Variants in HYAL4 observed in about 807,000 individuals in gnomAD.
HYAL4 encodes hyaluronidase-4.
In HYAL4, 37 loss-of-function variants were observed where a neutral mutation model predicts 35.2. The observed-to-expected ratio is 1.05, with a 90% CI of 0.81 to 1.38. The LOEUF (loss-of-function observed/expected upper bound fraction) is 1.38, where lower values mean the gene tolerates loss of function less well. Ranked by LOEUF, HYAL4 falls within the 40% of genes most tolerant of loss-of-function variation. The pLI is 0.00. For synonymous variants in HYAL4, 198 were observed against 203.2 expected (o/e 0.97, Z 0.22); for missense variants, 572 against 572.4 (o/e 1.00, Z 0.01).
At chr7:123,829,107 A>G (rs1423699769) in exon 1 of HYAL4, 1 of 152,646 alleles carries the variant, frequency 6.6e-6, no homozygotes, top group Admixed American at 6.5e-5. Context: ...TTCTATCTGC[A>G]TATGCCTGAA....
the HYAL4 span, among the ~76,000 whole-genome samples, chr7:123,770,864 A>G: frequency 0.066 from 10,054 of 152,262 alleles, 419 homozygotes; most frequent in East Asian, 0.11. Flanking sequence ...TGAAGCAATT[A>G]TAGTCCGTGA....
chr7:123,843,153 T>G (rs1399544483), upstream of HYAL4, among the ~76,000 whole-genome samples: 1 of 152,038 alleles, frequency 6.6e-6, no homozygotes, highest in African/African-American at 2.4e-5. Context: ...TTTCTTTCCA[T>G]GTTTAGTGCT....
intron 3 of HYAL4, among the ~76,000 whole-genome samples, chr7:123,870,025 C>G (rs1266202934): frequency 6.6e-6 from 1 of 152,196 alleles, no homozygotes; most frequent in East Asian, 1.9e-4. Flanking sequence ...TGTAACCTTT[C>G]TACATTGAGA....
chr7:123,832,674 T>C (rs1805903975), intron 1 of HYAL4, among the ~76,000 whole-genome samples: 1 of 151,718 alleles, frequency 6.6e-6, no homozygotes, highest in African/African-American at 2.4e-5. Flanking sequence ...TAATTTTTTT[T>C]GTATTTTTAG....
chr7:123,766,433 T>C, the HYAL4 span, among the ~76,000 whole-genome samples: 1 of 152,228 alleles, frequency 6.6e-6, no homozygotes, highest in South Asian at 2.1e-4. Flanking sequence ...ATGTAAATGC[T>C]CATTGAAACC....
upstream of HYAL4, among the ~76,000 whole-genome samples, chr7:123,824,496 A>G (rs1326895051): frequency 6.6e-6 from 1 of 152,070 alleles, no homozygotes. Flanking sequence ...TACGGCTGCC[A>G]TTTAGTGGCT....
chr7:123,852,288 G>T (rs192057010), intron 2 of HYAL4, among the ~76,000 whole-genome samples: 2 of 152,264 alleles, frequency 1.3e-5, no homozygotes, highest in Admixed American at 1.3e-4. Context: ...ATTGCTTTTG[G>T]TGTTTCAGCC....
In HYAL4 at chr7:123,868,672, C is replaced by T. The variant is rs1055154050; in HGVS notation, c.399C>T (p.Ile133=). The T allele has an allele frequency of 2.5e-6, 4 of 1,613,664 alleles. No individual in the cohort carries two copies. The highest frequency in any genetic ancestry group is 1.3e-5 in the African/African-American group (1 of 74,904). ...EKADQDINYY[I]PAEDFSGLAV... is the part of the protein sequence containing the mutation. ...CTGACCAAGATATTAATTATTACAT[C>T]CCTGCTGAAGATTTCAGTGGACTTG... Residue 133 remains isoleucine (I), a synonymous_variant, in exon 3 of 5, where the codon ATC becomes ATT. Transcript: ENST00000223026.
chr7:123,800,174 C>CTTTTTTTTTTTTTTTTTTT, the HYAL4 span, among the ~76,000 whole-genome samples: 1 of 143,420 alleles, frequency 7.0e-6, no homozygotes, highest in South Asian at 2.5e-4. Flanking sequence ...ATTTTTTTTA[C>CTTTTTTTTTTTTTTTTTTT]TTTATTTATT....
At chr7:123,793,449 G>A in the HYAL4 span, among the ~76,000 whole-genome samples, 1 of 152,236 alleles carries the variant, frequency 6.6e-6, no homozygotes, top group Non-Finnish European at 1.5e-5. Context: ...GTTTTGCTGT[G>A]TCCCCACCCA....
Position 123,868,623 on chromosome 7 carries a change from G to A in HYAL4, c.350G>A (p.Ser117Asn). 2.5e-6 allele frequency: 4 copies of A among 1,614,136 alleles called. No homozygotes were observed. Among genetic ancestry groups the A allele is most frequent in the Non-Finnish European group, 3.4e-6 (4 of 1,180,018 alleles). The change falls in exon 3 of 5, where the codon AGT becomes AAT. Residue 117 changes from serine (S) to asparagine (N), a missense_variant. Transcript: ENST00000223026. ...AATGGAGGTCTCCCACAGAACATAA[G>A]TTTACAAGTACATCTGGAAAAAGCT... ...PINGGLPQNI[S>N]LQVHLEKADQ...
Position 123,877,264 on chromosome 7 carries a change from A to T in HYAL4, c.*109A>T. 9.2e-7 allele frequency: 1 copy of T among 1,083,136 alleles called. No individual in the cohort carries two copies. The highest frequency in any genetic ancestry group is 1.3e-6 in the Non-Finnish European group (1 of 754,708). 67.1% of individuals were successfully genotyped at this position (1,083,136 alleles called of 1,614,324 possible). A position where few individuals can be genotyped will look rare whatever the true frequency, so the allele number is the denominator to read the frequency against. ...ATGAATTCTATTGAGAGATATTATA[A>T]GTAGACATTATGTATGTCACTTAAC... On this transcript the variant is annotated 3_prime_UTR_variant, in exon 5 of 5. Coordinates refer to ENST00000223026, the MANE Select transcript of HYAL4 (RefSeq NM_012269.3).
chr7:123,800,787 G>C, the HYAL4 span, among the ~76,000 whole-genome samples: 2 of 151,870 alleles, frequency 1.3e-5, no homozygotes, highest in Admixed American at 1.3e-4. Flanking sequence ...CTCCTGAGTA[G>C]CTGGGATTAC....
chr7:123,791,191 G>C, the HYAL4 span, among the ~76,000 whole-genome samples: 1 of 152,108 alleles, frequency 6.6e-6, no homozygotes, highest in Non-Finnish European at 1.5e-5. Context: ...CATGTAGAAT[G>C]GTGCCACAGT....
the HYAL4 span, among the ~76,000 whole-genome samples, chr7:123,771,614 G>C: frequency 6.6e-6 from 1 of 152,068 alleles, no homozygotes; most frequent in Non-Finnish European, 1.5e-5. Flanking sequence ...TAGTTGTTAT[G>C]ATATTTTGGC....
intron 4 of HYAL4, among the ~76,000 whole-genome samples, chr7:123,875,530 G>T (rs1029023011): frequency 6.6e-6 from 1 of 151,892 alleles, no homozygotes; most frequent in Non-Finnish European, 1.5e-5. Context: ...GATGACACAT[G>T]CCTGTAATCC....
intron 2 of HYAL4, among the ~76,000 whole-genome samples, chr7:123,853,750 T>C (rs891588530): frequency 1.3e-5 from 2 of 152,210 alleles, no homozygotes; most frequent in African/African-American, 4.8e-5. Flanking sequence ...ATAAAATGAG[T>C]TAGGGAGGAT....
At chr7:123,837,072 CT>C (rs2116911561) in intron 1 of HYAL4, among the ~76,000 whole-genome samples, 1 of 152,144 alleles carries the variant, frequency 6.6e-6, no homozygotes, top group Admixed American at 6.5e-5. Context: ...ATTTGGGCTC[CT>C]TTTAACAGTT....
At chr7:123,807,914 AATTATTATT>A in the HYAL4 span, among the ~76,000 whole-genome samples, 60 of 136,554 alleles carry the variant, frequency 4.4e-4, no homozygotes, top group East Asian at 2.5e-3. Context: ...TTAGCTGGAT[AATTATTATT>A]ATTATTATTA....
Sources: gnomAD v4.1 joint callset for allele counts (sites outside exome capture counted in the v4.1 genomes callset) on GRCh38, gnomAD v4.1.1 for gene constraint, MANE v1.5 for transcripts, NCBI Gene and HGNC (gene_info 2026-07-23, HGNC 2026-07-21) for gene names.